The following PRR5L variants were observed in gnomAD, a reference collection of about 807,000 sequenced individuals.
PRR5L encodes proline-rich protein 5-like.
PRR5L carries 21 observed loss-of-function variants against 36.4 expected under a neutral mutation model. The observed-to-expected ratio is 0.58, with a 90% CI of 0.41 to 0.83. The LOEUF is 0.83. Among genes scored for constraint, PRR5L ranks in the 40% least tolerant of loss-of-function variants. PRR5L has a pLI of 0.00. For synonymous variants in PRR5L, 188 were observed against 197.0 expected (o/e 0.95, Z 0.38); for missense variants, 381 against 473.3 (o/e 0.80, Z 1.81).
intron 1 of PRR5L, among the ~76,000 whole-genome samples, chr11:36,314,417 T>C (rs1204663972): frequency 2.0e-5 from 3 of 152,150 alleles, no homozygotes; most frequent in African/African-American, 7.2e-5. Flanking sequence ...GCTGGTGAGG[T>C]CTGAGGAGGG....
intron 3 of PRR5L, among the ~76,000 whole-genome samples, chr11:36,408,804 A>G (rs542061416): frequency 6.6e-6 from 1 of 152,202 alleles, no homozygotes; most frequent in Non-Finnish European, 1.5e-5. Flanking sequence ...AAAAGTGTGA[A>G]AAAAGCAAGA....
intron 1 of PRR5L, among the ~76,000 whole-genome samples, chr11:36,383,112 A>G (rs921830557): frequency 3.3e-5 from 5 of 152,214 alleles, no homozygotes; most frequent in Non-Finnish European, 7.3e-5. Context: ...CTAAAATAGG[A>G]ATAATAATAG....
chr11:36,448,990 C>T (rs2133621626), intron 7 of PRR5L, among the ~76,000 whole-genome samples: 1 of 152,184 alleles, frequency 6.6e-6, no homozygotes, highest in East Asian at 1.9e-4. Flanking sequence ...TTGGAAACGC[C>T]CCACAGGCAT....
At chr11:36,355,866 T>G (rs938708881) in intron 1 of PRR5L, among the ~76,000 whole-genome samples, 1 of 149,610 alleles carries the variant, frequency 6.7e-6, no homozygotes, top group South Asian at 2.1e-4. Context: ...CCCAGCCCCA[T>G]GCTTTTAACT....
chr11:36,368,995 T>C (rs745803333), intron 1 of PRR5L, among the ~76,000 whole-genome samples: 49 of 152,040 alleles, frequency 3.2e-4, no homozygotes, highest in Admixed American at 3.1e-3. Flanking sequence ...GCAAAGGAAA[T>C]GCTCAGGAAA....
intron 1 of PRR5L, among the ~76,000 whole-genome samples, chr11:36,368,369 G>A (rs1306338358): frequency 6.6e-6 from 1 of 152,030 alleles, no homozygotes; most frequent in Admixed American, 6.5e-5. Context: ...AAAAAACAAG[G>A]AAAACAATAA....
Position 36,455,679 on chromosome 11 carries a change from C to T in PRR5L, c.712+4344C>T, listed in dbSNP as rs12295908. 8.2e-3 allele frequency among the ~76,000 whole-genome samples: 1,244 copies of T among 152,252 alleles called. 14 individuals are homozygous for T. The highest frequency in any genetic ancestry group is 0.029 in the African/African-American group (1,193 of 41,550). On this transcript the variant is annotated intron_variant, in intron 8 of 8. Transcript: ENST00000530639. ...CCTGGGTGACAGGGCCCTGCCTTCC[C>T]GGGAGCAGAGAAGAAAAAGATTGGG...
rs1473001844 is a variant in PRR5L, at chr11:36,463,206, C to A, written c.*470C>A. 2.0e-5 allele frequency: 3 copies of A among 153,716 alleles called. No homozygotes were observed. Among genetic ancestry groups the A allele is most frequent in the East Asian group, 3.8e-4 (2 of 5,230 alleles). 9.5% of individuals were successfully genotyped at this position (153,716 alleles called of 1,614,324 possible). On this transcript the variant is annotated 3_prime_UTR_variant, in exon 9 of 9. Coordinates refer to ENST00000530639, the MANE Select transcript of PRR5L (RefSeq NM_001160167.2). ...GGGTGAAAAATTAGTGGAGAGGGAACTCCTCTCCCCCATTTTGTGTAGAGT... is the reference window on the plus strand; with the variant it reads ...GGGTGAAAAATTAGTGGAGAGGGAAATCCTCTCCCCCATTTTGTGTAGAGT...
At chr11:36,421,464 G>C (rs1321833261) in intron 4 of PRR5L, among the ~76,000 whole-genome samples, 1 of 152,156 alleles carries the variant, frequency 6.6e-6, no homozygotes, top group Non-Finnish European at 1.5e-5. Flanking sequence ...GCGAGAACTA[G>C]TTTTCACAGT....
At chr11:36,338,159 G>A (rs1261469436) in intron 1 of PRR5L, among the ~76,000 whole-genome samples, 1 of 152,198 alleles carries the variant, frequency 6.6e-6, no homozygotes, top group East Asian at 1.9e-4. Context: ...GGAAGAAGGG[G>A]AGACATCTAG....
intron 1 of PRR5L, among the ~76,000 whole-genome samples, chr11:36,311,240 GTTT>G (rs1358156726): frequency 3.9e-5 from 6 of 152,156 alleles, no homozygotes; most frequent in Non-Finnish European, 7.3e-5. Flanking sequence ...TGGCATAGCA[GTTT>G]TTAGTAAAAA....
At chr11:36,373,609 A>C (rs1049739178) in intron 1 of PRR5L, among the ~76,000 whole-genome samples, 1 of 152,002 alleles carries the variant, frequency 6.6e-6, no homozygotes, top group Non-Finnish European at 1.5e-5. Context: ...AAAAAAAAAA[A>C]AAAAAGAAAG....
At chr11:36,335,404 CA>C (rs372565170) in intron 1 of PRR5L, among the ~76,000 whole-genome samples, 74,713 of 131,122 alleles carry the variant, frequency 0.57, 19,776 homozygotes, top group East Asian at 0.84. Flanking sequence ...GCTTGGGTGG[CA>C]GTGTGTGTGT....
At chr11:36,374,781 A>T (rs909298606) in intron 1 of PRR5L, among the ~76,000 whole-genome samples, 10 of 152,242 alleles carry the variant, frequency 6.6e-5, no homozygotes, top group Admixed American at 6.5e-4. Context: ...CCCCATTTTC[A>T]TATGAGTAAA....
intron 1 of PRR5L, chr11:36,362,288 C>G (rs1268919804): frequency 6.6e-6 from 1 of 152,052 alleles, no homozygotes; most frequent in East Asian, 1.9e-4. Flanking sequence ...TCCCTCCCTT[C>G]CCTTTTTGAG....
At chr11:36,354,659 C>A (rs1237825859) in intron 1 of PRR5L, among the ~76,000 whole-genome samples, 1 of 152,020 alleles carries the variant, frequency 6.6e-6, no homozygotes, top group Non-Finnish European at 1.5e-5. Context: ...GCTACATGTG[C>A]CTTTGAAGTG....
chr11:36,362,937 G>T (rs902204668), intron 1 of PRR5L, among the ~76,000 whole-genome samples: 1 of 152,128 alleles, frequency 6.6e-6, no homozygotes, highest in African/African-American at 2.4e-5. Flanking sequence ...CTTTGACCTG[G>T]CTCCTGCAGG....
Position 36,420,060 on chromosome 11 carries a change from C to T in PRR5L, c.294+757C>T, listed in dbSNP as rs144666346. 3.0e-3 allele frequency among the ~76,000 whole-genome samples: 455 copies of T among 152,246 alleles called. 1 individual carries two copies. Among genetic ancestry groups the T allele is most frequent in the Non-Finnish European group, 5.0e-3 (340 of 68,024 alleles). ...CAGAGGATAGTTTCTAATTCACAGACGCAAGCTGTTTTCATGACTCTAACC... is the reference window on the plus strand; with the variant it reads ...CAGAGGATAGTTTCTAATTCACAGATGCAAGCTGTTTTCATGACTCTAACC... On this transcript the variant is annotated intron_variant, in intron 4 of 8. Transcript: ENST00000530639.
chr11:36,372,133 A>G (rs188055215), intron 1 of PRR5L, among the ~76,000 whole-genome samples: 173 of 152,346 alleles, frequency 1.1e-3, no homozygotes, highest in Non-Finnish European at 1.6e-4. Flanking sequence ...TTTCATTATT[A>G]TTCAGAGATG....
Sources: gnomAD v4.1 joint callset for allele counts (sites outside exome capture counted in the v4.1 genomes callset) on GRCh38, gnomAD v4.1.1 for gene constraint, MANE v1.5 for transcripts, NCBI Gene and HGNC (gene_info 2026-07-23, HGNC 2026-07-21) for gene names.